PHKA2: variants seen among roughly 807,000 people sequenced by gnomAD.
PHKA2 encodes phosphorylase kinase regulatory subunit alpha 2.
In PHKA2, 31 loss-of-function variants were observed where a neutral mutation model predicts 102.0. The ratio of observed to expected loss-of-function variants is 0.30; its 90% CI spans 0.23 to 0.41. PHKA2 has a LOEUF of 0.41. PHKA2 is among the 10% of genes least tolerant of loss of function. The pLI, the probability that PHKA2 is intolerant of heterozygous loss-of-function variation, is 1.00. For missense variants in PHKA2, 858 were observed against 1,023.1 expected, an observed-to-expected ratio of 0.84 and a Z score of 2.20; for synonymous variants, 455 against 416.2, an observed-to-expected ratio of 1.09 and a Z score of -1.13.
At chrX:18,971,816 C>T (rs549305084) in intron 1 of PHKA2, among the ~76,000 whole-genome samples, 1 of 112,488 alleles carries the variant, frequency 8.9e-6, no homozygotes, top group African/African-American at 3.2e-5. Context: ...AGCTCAAAGC[C>T]TCTCATAAAG....
In PHKA2 at chrX:18,892,465, G is replaced by A. The variant is rs1402199498; in HGVS notation, c.*1020C>T. ...GACTCAACCTTGCTCTCCTCCAATC[G>A]GTGCCTCCAACTGCACCCACCCAAG... On this transcript the variant is annotated 3_prime_UTR_variant, in exon 33 of 33. Transcript: ENST00000379942. 8.9e-6 allele frequency: 1 copy of A among 112,489 alleles called. No individual in the cohort carries two copies. Among genetic ancestry groups the A allele is most frequent in the Non-Finnish European group, 1.9e-5 (1 of 53,301 alleles). 9.3% of individuals were successfully genotyped at this position (112,489 alleles called of 1,213,427 possible). A position where few individuals can be genotyped will look rare whatever the true frequency, so the allele number is the denominator to read the frequency against.
chrX:18,907,838 T>C, intron 22 of PHKA2, 62 bp downstream of exon 22: 1 of 1,118,501 alleles, frequency 8.9e-7, no homozygotes. Flanking sequence ...AGATTGGAAG[T>C]GGAAGAGGAA....
At chrX:18,897,873 G>A (rs1484364172) in intron 29 of PHKA2, 7 of 118,017 alleles carry the variant, frequency 5.9e-5, no homozygotes, top group Non-Finnish European at 1.1e-4. Flanking sequence ...CGCACGTGGC[G>A]CCTGTGCCAC....
intron 5 of PHKA2, among the ~76,000 whole-genome samples, chrX:18,948,141 C>T (rs1441375843): frequency 1.8e-5 from 2 of 111,477 alleles, no homozygotes; most frequent in African/African-American, 3.3e-5. Flanking sequence ...TCCCCAATAA[C>T]CTATGGAAAT....
intron 6 of PHKA2, among the ~76,000 whole-genome samples, chrX:18,944,080 G>A (rs771169150): frequency 2.7e-5 from 3 of 110,806 alleles, no homozygotes; most frequent in African/African-American, 9.8e-5. Flanking sequence ...CTCCCAAAGT[G>A]CTGGGATCAC....
At chrX:18,906,330 T>C (rs1428585561) in intron 25 of PHKA2, among the ~76,000 whole-genome samples, 165 bp downstream of exon 25, 1 of 112,378 alleles carries the variant, frequency 8.9e-6, no homozygotes, top group Admixed American at 9.4e-5. Context: ...GCCGCATGGA[T>C]GGGAGTTCCA....
chrX:18,895,281 C>T, intron 30 of PHKA2, 90 bp from the exon 31 acceptor site: 1 of 849,535 alleles, frequency 1.2e-6, no homozygotes, highest in South Asian at 2.0e-5. Flanking sequence ...CACACAGCAC[C>T]CTCTGCCCTG....
chrX:18,895,002 G>T, intron 31 of PHKA2, 136 bp downstream of exon 31: 1 of 633,098 alleles, frequency 1.6e-6, no homozygotes, highest in Non-Finnish European at 2.7e-6. Context: ...GGGTGAAGGG[G>T]CTAGACAGCT....
Position 18,924,009 on chromosome X carries a change from G to C in PHKA2, c.1793+47C>G, listed in dbSNP as rs374650924. The stretch of plus-strand genomic sequence containing the variant: ...GGACAAGGGCAGCAAAGGACTTTAA[G>C]AAAGGTCAGTGCTACTCTTATATTT... On this transcript the variant is annotated intron_variant, in intron 17 of 32. Coordinates refer to ENST00000379942, the MANE Select transcript of PHKA2 (RefSeq NM_000292.3). 3.4e-6 allele frequency: 3 copies of C among 879,009 alleles called. No homozygotes were observed. In the African/African-American group the frequency reaches 5.9e-5, roughly 17 times the overall value. 72.4% of individuals were successfully genotyped at this position (879,009 alleles called of 1,213,427 possible).
At chrX:18,907,786 T>C in intron 22 of PHKA2, 114 bp downstream of exon 22, 1 of 846,237 alleles carries the variant, frequency 1.2e-6, no homozygotes, top group East Asian at 3.2e-5. Flanking sequence ...CACCTGTGGG[T>C]TAAAGAATGG....
chrX:18,938,660 T>C lies in PHKA2; in HGVS notation c.1008A>G (p.Ile336Met). ...CATCACCACTGAAGACTCCATCTAT[T>C]ATAAAATATGTCCAAAACACAGGCC... ...CEWPVFWTYF[I>M]IDGVFSGDAV... The change falls in exon 10 of 33, where the codon ATA becomes ATG. Residue 336 changes from isoleucine to methionine, a missense_variant. Physicochemically the swap from Ile to Met is conservative, Grantham distance 10 (BLOSUM62 1). This residue lies in a region of PHKA2 where 671 missense variants were observed against 745.2 expected (regional missense o/e 0.90). Transcript: ENST00000379942. The C allele has an allele frequency of 8.3e-7, 1 of 1,205,673 alleles. No homozygotes were observed. Among genetic ancestry groups the C allele is most frequent in the Non-Finnish European group, 1.1e-6 (1 of 889,635 alleles).
At chrX:18,934,165 C>T (rs2048357264) in intron 11 of PHKA2, among the ~76,000 whole-genome samples, 1 of 112,030 alleles carries the variant, frequency 8.9e-6, no homozygotes, top group African/African-American at 3.3e-5. Flanking sequence ...TGGAAGGTAA[C>T]CCAGCCCCCA....
Position 18,906,730 on chromosome X carries a change from C to T in PHKA2, c.2676+6G>A. 8.3e-7 allele frequency: 1 copy of T among 1,209,533 alleles called. No individual in the cohort carries two copies. On this transcript the variant is annotated splice_donor_region_variant and intron_variant, in intron 24 of 32. Transcript: ENST00000379942. ...TGGCCCGACCCCTCCCACACCAGCC[C>T]CAGACCTGCGTGAGGACGGCAATGC...
intron 1 of PHKA2, among the ~76,000 whole-genome samples, chrX:18,974,230 T>G (rs2049054569): frequency 9.0e-6 from 1 of 110,606 alleles, no homozygotes; most frequent in African/African-American, 3.3e-5. Flanking sequence ...ACCCCATATC[T>G]CCACCCAACC....
Position 18,983,939 on chromosome X carries a change from G to A in PHKA2, c.-7C>T. On this transcript the variant is annotated 5_prime_UTR_variant, in exon 1 of 33. Coordinates refer to ENST00000379942, the MANE Select transcript of PHKA2 (RefSeq NM_000292.3). ...AATTGCTCCTGCTCCGCATCTCCCC[G>A]AGGCTCCCAGGCCGCAGCGCCCGAT... The A allele has an allele frequency of 8.3e-7, 1 of 1,204,860 alleles. No individual in the cohort carries two copies. The highest frequency in any genetic ancestry group is 3.0e-5 in the East Asian group (1 of 33,808).
rs902830015 is a variant in PHKA2, at chrX:18,909,011, A to G, written c.2227-77T>C. ...CGGAAGATCAAGAAGTGAAACACCA[A>G]TCTGGTCTTGGAACTCTATTGCTGT... On this transcript the variant is annotated intron_variant, in intron 20 of 32. Transcript: ENST00000379942. 19 of 1,162,750 alleles carry G rather than the reference A, an allele frequency of 1.6e-5. No homozygotes were observed. The Admixed American group carries it at 3.5e-4, about 21-fold the overall frequency.
intron 25 of PHKA2, 112 bp from the exon 26 acceptor site, chrX:18,905,971 C>G: frequency 1.8e-6 from 1 of 548,875 alleles, no homozygotes; most frequent in Non-Finnish European, 3.2e-6. Context: ...ATGGCAGGTC[C>G]CCCTGTTCAG....
chrX:18,914,237 T>C (rs1207393000), intron 19 of PHKA2, among the ~76,000 whole-genome samples: 2 of 112,245 alleles, frequency 1.8e-5, no homozygotes, highest in Non-Finnish European at 3.8e-5. Flanking sequence ...CCGCCATATA[T>C]GCGGTCTGCC....
rs770925868 is a variant in PHKA2 at position 18,982,128 on chromosome X, A to G, written c.78+1727T>C. Among the ~76,000 whole-genome samples, 9 of 111,893 alleles carry G rather than the reference A, an allele frequency of 8.0e-5. 1 individual carries two copies. In the South Asian group the frequency reaches 3.4e-3, roughly 42 times the overall value. ...AAAAATAACCTTGATTTGCCTGCCT[A>G]CTTCTTCTGCTCTCAACTTGAACAT... On this transcript the variant is annotated intron_variant, in intron 1 of 32. Transcript: ENST00000379942.
Sources: allele counts gnomAD v4.1 joint callset (sites outside exome capture counted in the v4.1 genomes callset), GRCh38; gene constraint gnomAD v4.1.1; regional missense constraint gnomAD v4.1.1; transcripts MANE v1.5; gene names NCBI Gene and HGNC (gene_info 2026-07-23, HGNC 2026-07-21).